Variants in GALNT13 observed in about 807,000 individuals in gnomAD.
GALNT13 encodes the protein UDP-GalNAc:polypeptide N-acetylgalactosaminyltransferase 13.
In GALNT13, 28 loss-of-function variants were observed where a neutral mutation model predicts 64.2. The ratio of observed to expected loss-of-function variants is 0.44; its 90% confidence interval spans 0.32 to 0.60. GALNT13 has a LOEUF of 0.60. Among genes scored for constraint, GALNT13 ranks in the 20% least tolerant of loss-of-function variants. GALNT13 has a pLI of 0.05. For synonymous variants in GALNT13, 214 were observed against 224.6 expected, an observed-to-expected ratio of 0.95 and a Z score of 0.42; for missense variants, 577 against 669.8, an observed-to-expected ratio of 0.86 and a Z score of 1.53.
the GALNT13 span, among the ~76,000 whole-genome samples, chr2:153,348,283 G>C: frequency 6.6e-6 from 1 of 152,154 alleles, no homozygotes; most frequent in Non-Finnish European, 1.5e-5. Context: ...TAAAAGAACA[G>C]ACCTTTCAGC....
rs1334729619 is a variant in GALNT13, at chr2:154,133,532, TTTTATATATATATATATATA to T, written c.143-6803_143-6784del. On this transcript the variant is annotated intron_variant, in intron 3 of 12. Transcript: ENST00000392825. ...TTTTTTTCAGTAACATAACAGACCATTTTATATATATATATATATATATATATATATATATATATATATAT... is the reference window on the plus strand; with the variant it reads ...TTTTTTTCAGTAACATAACAGACCATTATATATATATATATATATATATAT... 6.7e-4 allele frequency among the ~76,000 whole-genome samples: 70 copies of T among 103,944 alleles called. 1 individual carries two copies. The South Asian group carries it at 7.8e-3, about 12-fold the overall frequency. 68.2% of individuals were successfully genotyped at this position (103,944 alleles called of 152,430 possible).
At chr2:153,076,871 A>G in the GALNT13 span, among the ~76,000 whole-genome samples, 2 of 151,852 alleles carry the variant, frequency 1.3e-5, no homozygotes, top group South Asian at 2.1e-4. Context: ...GGTCTCCTTC[A>G]TAGTTCTTTT....
the GALNT13 span, among the ~76,000 whole-genome samples, chr2:153,128,573 A>G: frequency 6.6e-6 from 1 of 152,182 alleles, no homozygotes; most frequent in Admixed American, 6.5e-5. Context: ...CAAACAATAC[A>G]AAGAATATAT....
In GALNT13 at chr2:154,450,657, T is replaced by G; in HGVS notation, c.*106T>G. The G allele has an allele frequency of 9.4e-7, 1 of 1,069,046 alleles. No homozygotes were observed. The highest frequency in any genetic ancestry group is 1.3e-6 in the Non-Finnish European group (1 of 768,006). The allele number at this position is 1,069,046 out of a possible 1,614,324, so 66.2% of individuals were successfully genotyped here. On this transcript the variant is annotated 3_prime_UTR_variant, in exon 13 of 13. Coordinates refer to ENST00000392825, the MANE Select transcript of GALNT13 (RefSeq NM_052917.4). Reference sequence around the variant, plus strand: ...TGAATTGAAAGTTTTAAAAATCCTTTTAGTATTCTAAAACACAATTGTTTC... The same window carrying G: ...TGAATTGAAAGTTTTAAAAATCCTTGTAGTATTCTAAAACACAATTGTTTC...
At chr2:153,422,721 AT>A in the GALNT13 span, among the ~76,000 whole-genome samples, 29 of 152,248 alleles carry the variant, frequency 1.9e-4, no homozygotes, top group African/African-American at 6.3e-4. Context: ...TTGAAAATAT[AT>A]TTTTTAAGAA....
At chr2:153,640,349 G>C in the GALNT13 span, among the ~76,000 whole-genome samples, 1 of 152,168 alleles carries the variant, frequency 6.6e-6, no homozygotes, top group South Asian at 2.1e-4. Context: ...AAGAAAGAGT[G>C]GTGGTCCATA....
chr2:154,282,388 A>G (rs1692007981), intron 8 of GALNT13, among the ~76,000 whole-genome samples: 1 of 152,214 alleles, frequency 6.6e-6, no homozygotes, highest in Admixed American at 6.5e-5. Context: ...CTAAAGTAAA[A>G]TAAGCTTGCC....
the GALNT13 span, among the ~76,000 whole-genome samples, chr2:153,795,036 A>T: frequency 1.3e-5 from 2 of 152,186 alleles, no homozygotes; most frequent in African/African-American, 4.8e-5. Flanking sequence ...AAGAAACAAA[A>T]GGCTAAACAG....
chr2:154,250,786 A>G (rs1203912013), intron 7 of GALNT13, among the ~76,000 whole-genome samples: 1 of 152,064 alleles, frequency 6.6e-6, no homozygotes, highest in African/African-American at 2.4e-5. Context: ...CAACCATAAT[A>G]TACGTTTGGA....
At chr2:153,103,886 T>G in the GALNT13 span, among the ~76,000 whole-genome samples, 1 of 152,142 alleles carries the variant, frequency 6.6e-6, no homozygotes, top group Non-Finnish European at 1.5e-5. Context: ...TGAGAAAATT[T>G]TTTGTGGTTT....
intron 3 of GALNT13, among the ~76,000 whole-genome samples, chr2:154,060,087 C>T (rs972454561): frequency 3.9e-5 from 6 of 152,110 alleles, no homozygotes; most frequent in African/African-American, 1.4e-4. Flanking sequence ...GAAGAAAAAC[C>T]AGAGCTCCCT....
intron 12 of GALNT13, chr2:154,446,421 T>C: frequency 1.4e-6 from 1 of 719,022 alleles, no homozygotes; most frequent in Non-Finnish European, 2.0e-6. Context: ...TCTAAAAAAA[T>C]GTGGCTCACA....
chr2:153,112,724 A>T, the GALNT13 span, among the ~76,000 whole-genome samples: 1 of 152,078 alleles, frequency 6.6e-6, no homozygotes, highest in East Asian at 1.9e-4. Flanking sequence ...TAACACCCTC[A>T]CTTGAAGTAT....
the GALNT13 span, among the ~76,000 whole-genome samples, chr2:153,128,343 G>A: frequency 6.6e-6 from 1 of 152,022 alleles, no homozygotes; most frequent in African/African-American, 2.4e-5. Flanking sequence ...GATGGCAGCA[G>A]GCAAAGAAAG....
At chr2:153,468,816 G>C in the GALNT13 span, among the ~76,000 whole-genome samples, 2 of 152,054 alleles carry the variant, frequency 1.3e-5, no homozygotes, top group Non-Finnish European at 2.9e-5. Flanking sequence ...CACTAGGGTA[G>C]CACACGGTGT....
At chr2:153,923,003 A>C (rs1574123100) in intron 2 of GALNT13, among the ~76,000 whole-genome samples, 1 of 151,852 alleles carries the variant, frequency 6.6e-6, no homozygotes, top group East Asian at 1.9e-4. Flanking sequence ...GGGTTCAAGC[A>C]ATTCTCCTGC....
the GALNT13 span, among the ~76,000 whole-genome samples, chr2:153,438,573 A>G: frequency 6.6e-6 from 1 of 151,462 alleles, no homozygotes; most frequent in Admixed American, 6.6e-5. Flanking sequence ...CATTTCATTC[A>G]TTTCTTCTTC....
At chr2:153,621,613 G>A in the GALNT13 span, among the ~76,000 whole-genome samples, 1 of 152,078 alleles carries the variant, frequency 6.6e-6, no homozygotes, top group African/African-American at 2.4e-5. Context: ...AACCTTATAA[G>A]TCTATTTGGT....
At chr2:153,415,612 C>G in the GALNT13 span, among the ~76,000 whole-genome samples, 1 of 152,052 alleles carries the variant, frequency 6.6e-6, no homozygotes. Flanking sequence ...AATTTTTGAA[C>G]AACACACAAT....
Sources: gnomAD v4.1 joint callset for allele counts (sites outside exome capture counted in the v4.1 genomes callset) on GRCh38, gnomAD v4.1.1 for gene constraint, MANE v1.5 for transcripts, NCBI Gene and HGNC (gene_info 2026-07-23, HGNC 2026-07-21) for gene names.